The following SSB variants were observed in gnomAD, a reference collection of about 807,000 sequenced individuals.
SSB encodes small RNA binding exonuclease protection factor La.
In SSB, 17 loss-of-function variants were observed where a neutral mutation model predicts 52.9. The ratio of observed to expected loss-of-function variants is 0.32; its 90% CI spans 0.22 to 0.48. The LOEUF (loss-of-function observed/expected upper bound fraction) is 0.48, where lower values mean the gene tolerates loss of function less well. Among genes scored for constraint, SSB ranks in the 20% least tolerant of loss-of-function variants. SSB has a pLI of 0.99. For synonymous variants in SSB, 111 were observed against 152.1 expected, an observed-to-expected ratio of 0.73 and a Z score of 1.99; for missense variants, 314 against 463.6, an observed-to-expected ratio of 0.68 and a Z score of 2.96.
At position 169,805,425 on chromosome 2, in the gene SSB, G is replaced by A. The variant is rs530127005; in HGVS notation, c.67-49G>A. 3.7e-6 allele frequency: 5 copies of A among 1,350,594 alleles called. No individual in the cohort carries two copies. The East Asian group carries it at 1.1e-4, about 31-fold the overall frequency. 83.7% of individuals were successfully genotyped at this position (1,350,594 alleles called of 1,614,324 possible). ...GGTACTGTAGAGTAATGTCAGGATT[G>A]GAGTCCATATTATACAGTGTTCTGA... On this transcript the variant is annotated intron_variant, in intron 2 of 11. Transcript: ENST00000260956.
chr2:169,799,300 T>TTTTA (rs1553481906), intron 1 of SSB: 3 of 140,362 alleles, frequency 2.1e-5, no homozygotes, highest in East Asian at 2.1e-4. Context: ...TTTTTTTTTT[T>TTTTA]ACCTCCACCG....
intron 7 of SSB, 153 bp downstream of exon 7, chr2:169,808,706 T>G: frequency 2.0e-6 from 2 of 980,972 alleles, no homozygotes; most frequent in South Asian, 1.6e-5. Flanking sequence ...CAGGGCCAAA[T>G]TGCATTGCAG....
At position 169,810,780 on chromosome 2, in the gene SSB, A is replaced by G. The variant is rs1024062203; in HGVS notation, c.811-78A>G. ...GACATGGAAGGTTTGCAGGGTAGAA[A>G]AAATTACTTTGGACAAAGAAATTAA... On this transcript the variant is annotated intron_variant, in intron 9 of 11. Transcript: ENST00000260956. The G allele has an allele frequency of 1.4e-5, 20 of 1,428,546 alleles. No individual in the cohort carries two copies. The African/African-American group carries it at 2.7e-4, about 20-fold the overall frequency. The allele number at this position is 1,428,546 out of a possible 1,614,324, so 88.5% of individuals were successfully genotyped here. A position where few individuals can be genotyped will look rare whatever the true frequency, so the allele number is the denominator to read the frequency against.
At chr2:169,806,942 T>G (rs1689842214) in intron 5 of SSB, 29 bp from the exon 6 acceptor site, 1 of 1,610,194 alleles carries the variant, frequency 6.2e-7, no homozygotes, top group Non-Finnish European at 8.5e-7. Flanking sequence ...GGACATAACT[T>G]AAAAAAATAT....
intron 1 of SSB, chr2:169,799,638 T>G (rs970437632): frequency 2.6e-5 from 4 of 152,208 alleles, no homozygotes; most frequent in African/African-American, 9.7e-5. Context: ...TCGTTTGCTT[T>G]GTAGGGGGCC....
At position 169,811,918 on chromosome 2, in the gene SSB, T is replaced by C; in HGVS notation, c.*162T>C. On this transcript the variant is annotated 3_prime_UTR_variant, in exon 12 of 12. Transcript: ENST00000260956. ...TTGTCTTTTTGTTATGCAAATGAGA[T>C]TTCTTTGAATGTATTGTTCTGTTTG... 4.5e-6 allele frequency: 7 copies of C among 1,543,722 alleles called. No homozygotes were observed. In the South Asian group the frequency reaches 5.7e-5, roughly 13 times the overall value.
rs1200946624 is a variant in SSB, at chr2:169,808,905, AAGT to A, written c.669+5_669+7del. Reference sequence around the variant, plus strand: ...AGTTAGAAGAAGATGCTGAAATGGTAAGTATATATTACTGCTATCTAGTACATC... The same window carrying A: ...AGTTAGAAGAAGATGCTGAAATGGTAATATATTACTGCTATCTAGTACATC... On this transcript the variant is annotated splice_donor_5th_base_variant and intron_variant, in intron 8 of 11. Transcript: ENST00000260956. 6.3e-7 allele frequency: 1 copy of A among 1,597,888 alleles called. No homozygotes were observed. The highest frequency in any genetic ancestry group is 8.6e-7 in the Non-Finnish European group (1 of 1,165,856).
intron 8 of SSB, 35 bp downstream of exon 8, chr2:169,808,937 A>G: frequency 6.5e-7 from 1 of 1,530,868 alleles, no homozygotes; most frequent in Non-Finnish European, 9.1e-7. Flanking sequence ...GTACATCTGT[A>G]ATTCGAAGTT....
intron 1 of SSB, 129 bp from the exon 2 acceptor site, chr2:169,800,823 C>A (rs1689697645): frequency 1.6e-6 from 1 of 609,748 alleles, no homozygotes; most frequent in Non-Finnish European, 2.6e-6. Context: ...AGTAAAGAAA[C>A]TGAACCCGTG....
In SSB at chr2:169,808,903, G is replaced by A. The variant is rs1401528458; in HGVS notation, c.669+1G>A. On this transcript the variant is annotated splice_donor_variant, in intron 8 of 11. Transcript: ENST00000260956. LOFTEE classifies it high-confidence loss of function. ...AAAGTTAGAAGAAGATGCTGAAATG[G>A]TAAGTATATATTACTGCTATCTAGT... 1 of 1,598,094 alleles carries A rather than the reference G, an allele frequency of 6.3e-7. No individual in the cohort carries two copies. Among genetic ancestry groups the A allele is most frequent in the South Asian group, 1.1e-5 (1 of 90,718 alleles).
Position 169,805,456 on chromosome 2 carries a change from A to G in SSB, c.67-18A>G, listed in dbSNP as rs1299520086. The G allele has an allele frequency of 1.3e-6, 2 of 1,567,848 alleles. No homozygotes were observed. The highest frequency in any genetic ancestry group is 2.2e-5 in the South Asian group (2 of 89,958). ...CATATTATACAGTGTTCTGAAATAC[A>G]TTGTAATTATCTCACAGTATTATTT... is the stretch of plus-strand genomic sequence containing the variant. On this transcript the variant is annotated intron_variant, in intron 2 of 11. Transcript: ENST00000260956.
chr2:169,808,317 T>A (rs1207879128), intron 6 of SSB, among the ~76,000 whole-genome samples, 165 bp from the exon 7 acceptor site: 3 of 152,196 alleles, frequency 2.0e-5, no homozygotes, highest in Non-Finnish European at 2.9e-5. Context: ...TAAAAAAACA[T>A]GAGAGAGTAA....
At chr2:169,800,808 A>G (rs1391807833) in intron 1 of SSB, 144 bp from the exon 2 acceptor site, 1 of 528,016 alleles carries the variant, frequency 1.9e-6, no homozygotes, top group African/African-American at 2.0e-5. Flanking sequence ...GATATTTGAG[A>G]ACTGAGTAAA....
At chr2:169,808,645 C>A in intron 7 of SSB, 92 bp downstream of exon 7, 4 of 1,236,890 alleles carry the variant, frequency 3.2e-6, no homozygotes, top group Non-Finnish European at 4.6e-6. Context: ...TGGCAGTAGA[C>A]CTTTCTCTTT....
intron 1 of SSB, among the ~76,000 whole-genome samples, chr2:169,799,884 A>G (rs1243659499): frequency 1.3e-5 from 2 of 152,014 alleles, no homozygotes; most frequent in East Asian, 1.9e-4. Flanking sequence ...ATTTGTTCAC[A>G]TAACTTTTGT....
At chr2:169,807,404 T>C (rs2162513) in intron 6 of SSB, among the ~76,000 whole-genome samples, 78,939 of 151,890 alleles carry the variant, frequency 0.52, 23,380 homozygotes, top group Non-Finnish European at 0.65. Flanking sequence ...TTCTCCTGCC[T>C]CAGCCTCCTG....
rs774983377 is a variant in SSB, at chr2:169,805,692, T to G, written c.198T>G (p.Asn66Lys). ...NRLNRLTTDFNVIVEALSKSK... is the reference protein window; with the variant it reads ...NRLNRLTTDFKVIVEALSKSK... ...TGAACCGTCTAACAACAGACTTTAA[T>G]GTAATTGTGGAAGCATTGAGCAAAT... Residue 66 changes from asparagine (N) to lysine (K), a missense_variant, in exon 4 of 12, where the codon AAT becomes AAG. Physicochemically the swap from Asn to Lys is moderately conservative, Grantham distance 94. Transcript: ENST00000260956. 1.9e-6 allele frequency: 3 copies of G among 1,613,966 alleles called. No homozygotes were observed. The highest frequency in any genetic ancestry group is 2.5e-6 in the Non-Finnish European group (3 of 1,180,008).
intron 1 of SSB, among the ~76,000 whole-genome samples, chr2:169,800,253 G>A (rs1225705644): frequency 6.6e-6 from 1 of 152,146 alleles, no homozygotes; most frequent in Non-Finnish European, 1.5e-5. Flanking sequence ...AAATGAGGCC[G>A]GGCGCGGTGG....
intron 2 of SSB, among the ~76,000 whole-genome samples, chr2:169,803,373 C>T (rs1689750906): frequency 1.3e-5 from 2 of 151,880 alleles, no homozygotes; most frequent in Admixed American, 6.6e-5. Flanking sequence ...CCTCAGCTTC[C>T]CAAGTAGCTA....
Sources: allele counts gnomAD v4.1 joint callset (sites outside exome capture counted in the v4.1 genomes callset), GRCh38; gene constraint gnomAD v4.1.1; transcripts MANE v1.5; gene names NCBI Gene and HGNC (gene_info 2026-07-23, HGNC 2026-07-21).